Variants in RBPMS observed in about 807,000 individuals in gnomAD.
RBPMS encodes RNA binding protein, mRNA processing factor, also known as RNA-binding protein with multiple splicing.
Under a neutral mutation model 26.8 loss-of-function variants are expected in RBPMS, and 7 were observed. That is an observed-to-expected ratio of 0.26 (90% CI 0.15 to 0.49). The LOEUF (loss-of-function observed/expected upper bound fraction) is 0.49. RBPMS is among the 20% of genes least tolerant of loss of function. The pLI is 0.98. For missense variants in RBPMS, 186 were observed against 250.0 expected, an observed-to-expected ratio of 0.74 and a Z score of 1.73; for synonymous variants, 96 against 93.3, an observed-to-expected ratio of 1.03 and a Z score of -0.17.
At chr8:30,556,552 G>A (rs561380412) in intron 6 of RBPMS, 119 of 986,512 alleles carry the variant, frequency 1.2e-4, no homozygotes, top group East Asian at 2.3e-4. Flanking sequence ...TCTTGGCCTC[G>A]TCGGGGCTCA....
At chr8:30,449,369 CTTT>C (rs5890522) in intron 1 of RBPMS, among the ~76,000 whole-genome samples, 24 of 106,468 alleles carry the variant, frequency 2.3e-4, no homozygotes, top group East Asian at 1.1e-3. Context: ...CACATCTCCT[CTTT>C]TTTTTTTTTT....
chr8:30,549,809 T>TCCCCCTCTC (rs766646710), intron 6 of RBPMS, among the ~76,000 whole-genome samples: 2 of 92,552 alleles, frequency 2.2e-5, no homozygotes. Flanking sequence ...CTCTCTCCTC[T>TCCCCCTCTC]CTCTCTCTCT....
chr8:30,388,958 C>T (rs1807453481), intron 1 of RBPMS, among the ~76,000 whole-genome samples: 1 of 152,136 alleles, frequency 6.6e-6, no homozygotes, highest in Non-Finnish European at 1.5e-5. Context: ...CAAACCTTTA[C>T]TTTGCATTCC....
At chr8:30,454,827 T>G (rs1300467678) in intron 1 of RBPMS, among the ~76,000 whole-genome samples, 1 of 152,192 alleles carries the variant, frequency 6.6e-6, no homozygotes, top group African/African-American at 2.4e-5. Flanking sequence ...TTTGTTTGTT[T>G]GGTTTGTTTT....
At chr8:30,519,004 A>C (rs965261065) in intron 5 of RBPMS, among the ~76,000 whole-genome samples, 5 of 152,168 alleles carry the variant, frequency 3.3e-5, no homozygotes, top group African/African-American at 1.2e-4. Flanking sequence ...GACTTTGAGG[A>C]AGAAGGAGGG....
At chr8:30,483,899 T>G (rs1818525633) in intron 4 of RBPMS, among the ~76,000 whole-genome samples, 1 of 152,210 alleles carries the variant, frequency 6.6e-6, no homozygotes, top group South Asian at 2.1e-4. Context: ...TTGAGATTCA[T>G]CCACGCTGTG....
chr8:30,388,878 C>T (rs909811009), intron 1 of RBPMS, among the ~76,000 whole-genome samples: 3 of 152,036 alleles, frequency 2.0e-5, no homozygotes, highest in African/African-American at 4.8e-5. Flanking sequence ...AAGCAAAAAA[C>T]GTGGAAGTGT....
At chr8:30,436,961 C>T (rs1366633827) in intron 1 of RBPMS, among the ~76,000 whole-genome samples, 4 of 144,984 alleles carry the variant, frequency 2.8e-5, no homozygotes, top group African/African-American at 8.0e-5. Flanking sequence ...CTTGCTCTGT[C>T]GCCCAGGCTG....
At chr8:30,446,868 T>C (rs1301372128) in intron 1 of RBPMS, 1 of 108,774 alleles carries the variant, frequency 9.2e-6, no homozygotes, top group African/African-American at 3.8e-5. Flanking sequence ...CGGTGGAGGG[T>C]AGTGGGGTAG....
At chr8:30,538,698 T>C (rs1825067908) in intron 5 of RBPMS, among the ~76,000 whole-genome samples, 1 of 152,190 alleles carries the variant, frequency 6.6e-6, no homozygotes, top group South Asian at 2.1e-4. Context: ...CTGAGTGGCT[T>C]CAATGGACAG....
intron 1 of RBPMS, among the ~76,000 whole-genome samples, chr8:30,466,247 A>G (rs925773620): frequency 2.0e-5 from 3 of 152,216 alleles, no homozygotes; most frequent in African/African-American, 4.8e-5. Flanking sequence ...AGGAAAGAGC[A>G]ATGATTAATA....
chr8:30,418,821 C>T (rs887443984), intron 1 of RBPMS, among the ~76,000 whole-genome samples: 9 of 152,106 alleles, frequency 5.9e-5, no homozygotes, highest in Non-Finnish European at 4.4e-5. Context: ...TCAAGTGATC[C>T]ATCCGCCTCA....
intron 1 of RBPMS, among the ~76,000 whole-genome samples, chr8:30,426,384 T>A (rs1282686095): frequency 6.6e-6 from 1 of 152,208 alleles, no homozygotes; most frequent in Non-Finnish European, 1.5e-5. Context: ...GCCCTGTGGA[T>A]CCAGCTTCCT....
At chr8:30,451,097 A>G (rs968976183) in intron 1 of RBPMS, among the ~76,000 whole-genome samples, 5 of 152,160 alleles carry the variant, frequency 3.3e-5, no homozygotes, top group African/African-American at 2.4e-5. Context: ...GGTCTTGTAC[A>G]GGCTGAGGGT....
chr8:30,462,512 C>T (rs904916864), intron 1 of RBPMS, among the ~76,000 whole-genome samples: 3 of 152,086 alleles, frequency 2.0e-5, no homozygotes, highest in African/African-American at 7.2e-5. Context: ...CAACCTCCTC[C>T]TCCTGGGTTC....
rs1827212655 is a variant in RBPMS, at chr8:30,558,876, T to C, written c.529-11T>C. 2 of 1,613,768 alleles carry C rather than the reference T, an allele frequency of 1.2e-6. No individual in the cohort carries two copies. Among genetic ancestry groups the C allele is most frequent in the South Asian group, 1.1e-5 (1 of 91,086 alleles). ...AGCCCTGGCTCACGGCCTTCTCCCA[T>C]GTCTTTTCAGATGCGCTGGCTCCCT... On this transcript the variant is annotated splice_polypyrimidine_tract_variant and intron_variant, in intron 6 of 8. Transcript: ENST00000397323.
intron 7 of RBPMS, among the ~76,000 whole-genome samples, chr8:30,560,722 A>T (rs1827389717): frequency 6.6e-6 from 1 of 152,196 alleles, no homozygotes; most frequent in Non-Finnish European, 1.5e-5. Context: ...TATGAACATC[A>T]TGAATATTTA....
intron 5 of RBPMS, among the ~76,000 whole-genome samples, chr8:30,531,085 T>C (rs1824176644): frequency 6.6e-6 from 1 of 152,162 alleles, no homozygotes; most frequent in Non-Finnish European, 1.5e-5. Flanking sequence ...GACCATTTTA[T>C]AGTTATTGAA....
chr8:30,498,864 T>C (rs1478691917), intron 4 of RBPMS, among the ~76,000 whole-genome samples: 1 of 151,894 alleles, frequency 6.6e-6, no homozygotes, highest in African/African-American at 2.4e-5. Flanking sequence ...TCTAAATATA[T>C]TTTAAATATA....
Sources: allele counts gnomAD v4.1 joint callset (sites outside exome capture counted in the v4.1 genomes callset), GRCh38; gene constraint gnomAD v4.1.1; transcripts MANE v1.5; gene names NCBI Gene and HGNC (gene_info 2026-07-23, HGNC 2026-07-21).